Variants in TTC28 observed in about 807,000 individuals in gnomAD.
The protein encoded by TTC28 is tetratricopeptide repeat protein 28.
A neutral mutation model predicts 198.0 loss-of-function variants in TTC28; 61 were observed. The ratio of observed to expected loss-of-function variants is 0.31; its 90% CI spans 0.25 to 0.38. The LOEUF is 0.38. TTC28 is among the 10% of genes least tolerant of loss of function. The probability of loss-of-function intolerance (pLI) is 1.00; values close to 1 mark genes in which losing one functional copy is unlikely to be tolerated. For synonymous variants in TTC28, 1,171 were observed against 1,297.8 expected (o/e 0.90, Z 2.10); for missense variants, 2,678 against 3,164.0 (o/e 0.85, Z 3.69).
chr22:28,212,470 A>C (rs1927069763), intron 5 of TTC28, among the ~76,000 whole-genome samples: 1 of 136,202 alleles, frequency 7.3e-6, no homozygotes. Context: ...ACAGAAATAC[A>C]AACTACCATC....
intron 5 of TTC28, among the ~76,000 whole-genome samples, chr22:28,164,272 T>C (rs1444272292): frequency 1.3e-5 from 2 of 152,198 alleles, no homozygotes; most frequent in African/African-American, 4.8e-5. Context: ...TAAATGTCCC[T>C]GTCTGACAGC....
At chr22:28,027,118 A>G (rs983752052) in intron 13 of TTC28, among the ~76,000 whole-genome samples, 3 of 152,150 alleles carry the variant, frequency 2.0e-5, no homozygotes, top group Non-Finnish European at 2.9e-5. Flanking sequence ...ACACACACAC[A>G]AATACAACCC....
chr22:28,410,630 G>T (rs890015124), intron 2 of TTC28, among the ~76,000 whole-genome samples: 1 of 152,144 alleles, frequency 6.6e-6, no homozygotes, highest in Non-Finnish European at 1.5e-5. Context: ...AAAGAATGAG[G>T]TCATTCAAAA....
chr22:28,650,207 T>C (rs2146260043), intron 1 of TTC28, among the ~76,000 whole-genome samples: 1 of 152,250 alleles, frequency 6.6e-6, no homozygotes, highest in African/African-American at 2.4e-5. Flanking sequence ...AATGAATTTC[T>C]AAATACTAGA....
chr22:28,513,357 T>C (rs2048720622), intron 2 of TTC28, among the ~76,000 whole-genome samples: 1 of 152,184 alleles, frequency 6.6e-6, no homozygotes, highest in East Asian at 1.9e-4. Context: ...CACTGCATCC[T>C]TGGTTAAAAT....
intron 2 of TTC28, among the ~76,000 whole-genome samples, chr22:28,364,832 A>T (rs2046220178): frequency 6.6e-6 from 1 of 152,240 alleles, no homozygotes; most frequent in South Asian, 2.1e-4. Context: ...AGAAAAGTAA[A>T]TGGTTCTTGA....
chr22:28,566,416 G>C (rs1163207424), intron 2 of TTC28, among the ~76,000 whole-genome samples: 1 of 152,130 alleles, frequency 6.6e-6, no homozygotes, highest in Admixed American at 6.5e-5. Flanking sequence ...TGAGAAAGAC[G>C]TTAACTGGCA....
intron 12 of TTC28, among the ~76,000 whole-genome samples, chr22:28,085,959 T>C (rs1249675384): frequency 2.6e-5 from 4 of 152,136 alleles, no homozygotes; most frequent in Non-Finnish European, 5.9e-5. Context: ...CAAGAAGAGC[T>C]AACTATCCTA....
At chr22:28,336,915 C>T (rs1268377825) in intron 2 of TTC28, among the ~76,000 whole-genome samples, 1 of 152,092 alleles carries the variant, frequency 6.6e-6, no homozygotes, top group Non-Finnish European at 1.5e-5. Flanking sequence ...TTCTCAAGTT[C>T]TTTTAATTGT....
chr22:28,563,281 G>A (rs984807113), intron 2 of TTC28, among the ~76,000 whole-genome samples: 1 of 152,100 alleles, frequency 6.6e-6, no homozygotes, highest in Admixed American at 6.5e-5. Flanking sequence ...AAATGTCAAT[G>A]ATGCTATGAA....
intron 12 of TTC28, among the ~76,000 whole-genome samples, chr22:28,072,585 A>G (rs1010773731): frequency 1.3e-5 from 2 of 152,152 alleles, no homozygotes; most frequent in African/African-American, 4.8e-5. Flanking sequence ...CACAGCAGGT[A>G]TCCTCCACTT....
chr22:28,621,420 A>C (rs2050993339), intron 2 of TTC28, among the ~76,000 whole-genome samples: 1 of 152,120 alleles, frequency 6.6e-6, no homozygotes, highest in East Asian at 1.9e-4. Flanking sequence ...TATGAAATAC[A>C]TTTAAGAAAA....
At chr22:28,435,652 C>T (rs972822965) in intron 2 of TTC28, among the ~76,000 whole-genome samples, 4 of 152,158 alleles carry the variant, frequency 2.6e-5, no homozygotes, top group African/African-American at 9.7e-5. Context: ...AACTCTGTAG[C>T]CTCTTACACT....
At chr22:28,184,114 A>G (rs991543277) in intron 5 of TTC28, among the ~76,000 whole-genome samples, 1 of 152,122 alleles carries the variant, frequency 6.6e-6, no homozygotes, top group Non-Finnish European at 1.5e-5. Flanking sequence ...CTGTTTCCTT[A>G]TCTATAAAAT....
chr22:28,282,650 A>G (rs1489525414), intron 5 of TTC28, among the ~76,000 whole-genome samples: 3 of 152,188 alleles, frequency 2.0e-5, no homozygotes, highest in Non-Finnish European at 4.4e-5. Context: ...CAGCCCAAAG[A>G]GCTTCCACAA....
At chr22:28,603,184 C>T (rs2050670337) in intron 2 of TTC28, among the ~76,000 whole-genome samples, 2 of 151,868 alleles carry the variant, frequency 1.3e-5, no homozygotes, top group African/African-American at 2.4e-5. Context: ...TGGCCCCTAA[C>T]TTTAGTTCTT....
chr22:28,495,680 G>A (rs1036631607), intron 2 of TTC28, among the ~76,000 whole-genome samples: 7 of 152,146 alleles, frequency 4.6e-5, no homozygotes, highest in Admixed American at 2.6e-4. Flanking sequence ...AAGATCTCAG[G>A]ACAATAGTTG....
chr22:28,576,482 G>C (rs1215010871), intron 2 of TTC28, among the ~76,000 whole-genome samples: 1 of 151,922 alleles, frequency 6.6e-6, no homozygotes, highest in African/African-American at 2.4e-5. Context: ...TTTTCGTAGT[G>C]GTAATATTAG....
chr22:28,456,460 T>C (rs2047861069), intron 2 of TTC28, among the ~76,000 whole-genome samples: 1 of 152,242 alleles, frequency 6.6e-6, no homozygotes, highest in Non-Finnish European at 1.5e-5. Context: ...AATATACAAA[T>C]ATTATTCTTA....
Sources: gnomAD v4.1 joint callset for allele counts (sites outside exome capture counted in the v4.1 genomes callset) on GRCh38, gnomAD v4.1.1 for gene constraint, MANE v1.5 for transcripts, NCBI Gene and HGNC (gene_info 2026-07-23, HGNC 2026-07-21) for gene names.